The following TASOR2 variants were observed in gnomAD, a reference collection of about 807,000 sequenced individuals.
TASOR2 encodes protein TASOR 2.
TASOR2 carries 84 observed loss-of-function variants against 199.5 expected under a neutral mutation model. The ratio of observed to expected loss-of-function variants is 0.42; its 90% CI spans 0.35 to 0.50. The LOEUF is 0.50. Among genes scored for constraint, TASOR2 ranks in the 20% least tolerant of loss-of-function variants. The pLI is 0.02. For missense variants in TASOR2, 2,796 were observed against 2,835.9 expected, an observed-to-expected ratio of 0.99 and a Z score of 0.32; for synonymous variants, 1,103 against 1,046.6, an observed-to-expected ratio of 1.05 and a Z score of -1.04.
rs1835969624 is a variant in TASOR2, at chr10:5,738,782, T to G, written c.1448-836T>G. On this transcript the variant is annotated intron_variant, in intron 12 of 20. Transcript: ENST00000328090. The surrounding 1 kb of genome is among the most constrained non-coding windows in gnomAD (Gnocchi z 4.7). ...GCAGGGAATCATTGCCTAGCAGAGT[T>G]GTGAAGTTTATCCTTCATAATAACA... is the stretch of plus-strand genomic sequence containing the variant. Among the ~76,000 whole-genome samples the G allele has an allele frequency of 6.6e-6, 1 of 152,202 alleles. No homozygotes were observed. The highest frequency in any genetic ancestry group is 6.5e-5 in the Admixed American group (1 of 15,280).
At chr10:5,728,338 T>A (rs940610037) in intron 10 of TASOR2, among the ~76,000 whole-genome samples, 13 of 152,190 alleles carry the variant, frequency 8.5e-5, no homozygotes, top group Non-Finnish European at 1.3e-4. Flanking sequence ...TAAAGTTTTT[T>A]TAAAAAATTC....
Position 5,748,100 on chromosome 10 carries a change from G to A in TASOR2, c.4679G>A (p.Arg1560Lys). Reference sequence around the variant, plus strand: ...TTGCAGCCAGTTAGTATAGAGAATAGAAATTTGGACTTAAAACATCTTGTC... The same window carrying A: ...TTGCAGCCAGTTAGTATAGAGAATAAAAATTTGGACTTAAAACATCTTGTC... Residue 1560 changes from arginine to lysine, a missense_variant, in exon 15 of 21, where the codon AGA becomes AAA. By Grantham distance (26) the Arg-to-Lys change is conservative. Around this residue, in one of 3 missense-constraint regions of TASOR2, gnomAD observed 1,941 missense variants for 1,924.9 expected, o/e 1.01. Transcript: ENST00000328090. This position sits in a 1 kb window ranked among gnomAD's most constrained non-coding sequence, Gnocchi z 5.1. 1 of 1,614,206 alleles carries A rather than the reference G, an allele frequency of 6.2e-7. No individual in the cohort carries two copies. The highest frequency in any genetic ancestry group is 8.5e-7 in the Non-Finnish European group (1 of 1,180,034).
chr10:5,749,333 C>T, exon 15 of TASOR2: 4 of 1,614,208 alleles, frequency 2.5e-6, no homozygotes, highest in East Asian at 2.2e-5. Flanking sequence ...GACGACCTCA[C>T]CCAGAACACT....
rs57228390 is a variant in TASOR2 at position 5,762,511 on chromosome 10, G to GTTT, written c.7175-8_7175-6dup. On this transcript the variant is annotated intron_variant, in intron 19 of 20. Transcript: ENST00000328090. ...ACATTAATTATATTAACCAAAAGTT[G>GTTT]TTTTTTTTTTTTTTTAACAGACAAG... The GTTT allele has an allele frequency of 8.4e-4, 496 of 587,858 alleles. 3 individuals are homozygous for GTTT. The highest frequency in any genetic ancestry group is 4.2e-3 in the African/African-American group (195 of 46,288). 36.4% of individuals were successfully genotyped at this position (587,858 alleles called of 1,614,324 possible).
In TASOR2 at chr10:5,748,297, G is replaced by C. The variant is rs1193892858; in HGVS notation, c.4876G>C (p.Asp1626His). ...TCTCTTTCCCGGTGATTTGAAAACA[G>C]ATGAAGGCATTTATCTGCAGGTGAA... The change falls in exon 15 of 21, where the codon GAT becomes CAT. Residue 1626 changes from aspartate to histidine, a missense_variant. This residue lies in a region of TASOR2 where 1,941 missense variants were observed against 1,924.9 expected (regional missense o/e 1.01). Coordinates refer to ENST00000328090, the Ensembl canonical transcript of TASOR2. This position sits in a 1 kb window ranked among gnomAD's most constrained non-coding sequence, Gnocchi z 5.1. 6.2e-7 allele frequency: 1 copy of C among 1,614,232 alleles called. No homozygotes were observed. Among genetic ancestry groups the C allele is most frequent in the South Asian group, 1.1e-5 (1 of 91,086 alleles).
In TASOR2 at chr10:5,706,352, A is replaced by G. The variant is rs932703874; in HGVS notation, c.-287-6471A>G. ...ATATAAATTTTAGAATCAGATCATC[A>G]GTTTCTGCAAACTGAGATTGTGTTG... On this transcript the variant is annotated intron_variant, in intron 1 of 20. Coordinates refer to ENST00000328090, the Ensembl canonical transcript of TASOR2. This position sits in a 1 kb window ranked among gnomAD's most constrained non-coding sequence, Gnocchi z 4.8. 6.6e-6 allele frequency among the ~76,000 whole-genome samples: 1 copy of G among 152,172 alleles called. No individual in the cohort carries two copies. The highest frequency in any genetic ancestry group is 1.5e-5 in the Non-Finnish European group (1 of 68,032).
At chr10:5,709,378 A>T (rs1446733113) in intron 1 of TASOR2, among the ~76,000 whole-genome samples, 1 of 152,216 alleles carries the variant, frequency 6.6e-6, no homozygotes, top group African/African-American at 2.4e-5. Context: ...AGAACAAATT[A>T]AGTCCTTAGC....
exon 15 of TASOR2, chr10:5,749,009 C>G: frequency 6.2e-7 from 1 of 1,614,136 alleles, no homozygotes; most frequent in Non-Finnish European, 8.5e-7. Flanking sequence ...GATGTTCCCA[C>G]AGATGGCTAT....
At chr10:5,711,392 A>G (rs1779791453) in intron 1 of TASOR2, among the ~76,000 whole-genome samples, 1 of 152,102 alleles carries the variant, frequency 6.6e-6, no homozygotes, top group Non-Finnish European at 1.5e-5. Context: ...AGGAAGCCAT[A>G]TTACTGTACT....
exon 21 of TASOR2, chr10:5,763,096 AACTTGTGAACATGTGAATAC>A (rs1840139599): frequency 6.6e-7 from 1 of 1,521,404 alleles, no homozygotes; most frequent in Admixed American, 1.7e-5. Flanking sequence ...CCCTTTGGAA[AACTTGTGAACATGTGAATAC>A]ACATGTGAAC....
rs181360955 is a variant in TASOR2, at chr10:5,706,003, T to C, written c.-287-6820T>C. ...TTTTATAATTTTAGCCAAATAGTTATAGTTTTTATGTTTAGGTCTGTGATT... is the reference window on the plus strand; with the variant it reads ...TTTTATAATTTTAGCCAAATAGTTACAGTTTTTATGTTTAGGTCTGTGATT... On this transcript the variant is annotated intron_variant, in intron 1 of 20. Transcript: ENST00000328090. This position sits in a 1 kb window ranked among gnomAD's most constrained non-coding sequence, Gnocchi z 4.8. Among the ~76,000 whole-genome samples the C allele has an allele frequency of 0.016, 2,449 of 151,566 alleles. 35 individuals are homozygous for C. The highest frequency in any genetic ancestry group is 0.027 in the Non-Finnish European group (1,818 of 67,994).
At chr10:5,703,938 C>T (rs991943303) in intron 1 of TASOR2, among the ~76,000 whole-genome samples, 2 of 151,748 alleles carry the variant, frequency 1.3e-5, no homozygotes, top group Non-Finnish European at 2.9e-5. Flanking sequence ...AGTTTTCATT[C>T]TTGGCCAGGC....
At chr10:5,755,257 AAT>A (rs1838761117) in intron 15 of TASOR2, among the ~76,000 whole-genome samples, 1 of 151,970 alleles carries the variant, frequency 6.6e-6, no homozygotes, top group African/African-American at 2.4e-5. Flanking sequence ...AATGAATTGA[AAT>A]AGTCAGAATT....
intron 1 of TASOR2, among the ~76,000 whole-genome samples, chr10:5,704,091 G>T (rs556640671): frequency 3.9e-5 from 6 of 152,022 alleles, no homozygotes; most frequent in South Asian, 2.1e-4. Context: ...GGGCCTGGTA[G>T]TGGGCGCCTG....
In TASOR2 at chr10:5,685,220, G is replaced by T; in HGVS notation, c.-288+45G>T. 2.5e-6 allele frequency: 1 copy of T among 397,666 alleles called. No individual in the cohort carries two copies. Among genetic ancestry groups the T allele is most frequent in the South Asian group, 1.3e-4 (1 of 7,840 alleles). 24.6% of individuals were successfully genotyped at this position (397,666 alleles called of 1,614,324 possible). Reference sequence around the variant, plus strand: ...GGGCGCCCGGGAACCCTGCGAGGAGGACGGCGGGTCCCCGAGGCCGAGCGC... The same window carrying T: ...GGGCGCCCGGGAACCCTGCGAGGAGTACGGCGGGTCCCCGAGGCCGAGCGC... On this transcript the variant is annotated intron_variant, in intron 1 of 20. Coordinates refer to ENST00000328090, the Ensembl canonical transcript of TASOR2. The surrounding 1 kb of genome is among the most constrained non-coding windows in gnomAD (Gnocchi z 5.4).
At chr10:5,711,300 T>C (rs913448149) in intron 1 of TASOR2, among the ~76,000 whole-genome samples, 17 of 152,172 alleles carry the variant, frequency 1.1e-4, no homozygotes, top group Non-Finnish European at 1.0e-4. Flanking sequence ...GTATATTGGT[T>C]ACTTACAAGT....
At chr10:5,702,354 C>T (rs1183586289) in intron 1 of TASOR2, among the ~76,000 whole-genome samples, 2 of 152,058 alleles carry the variant, frequency 1.3e-5, no homozygotes, top group Non-Finnish European at 2.9e-5. Flanking sequence ...ATTTGATTTA[C>T]TAGTATATTG....
rs1837470908 is a variant in TASOR2 at position 5,698,935 on chromosome 10, G to A, written c.-288+13760G>A. 6.6e-6 allele frequency among the ~76,000 whole-genome samples: 1 copy of A among 152,142 alleles called. No homozygotes were observed. The highest frequency in any genetic ancestry group is 1.9e-4 in the East Asian group (1 of 5,196). ...AAATCAGCCTGGCAGTTTCTCAGAT[G>A]AGCAGACACAGATTTACTGGAAGAG... is the stretch of plus-strand genomic sequence containing the variant. On this transcript the variant is annotated intron_variant, in intron 1 of 20. Transcript: ENST00000328090. The surrounding 1 kb of genome is among the most constrained non-coding windows in gnomAD (Gnocchi z 4.4).
In TASOR2 at chr10:5,750,421, TTGAA is replaced by T. The variant is rs747549423; in HGVS notation, c.6606+397_6606+400del. Reference sequence around the variant, plus strand: ...TTTTGGATATATTTTTAATTTGAATTTGAATGTTAGGATAACTGATGTTACGGTG... The same window carrying T: ...TTTTGGATATATTTTTAATTTGAATTTGTTAGGATAACTGATGTTACGGTG... On this transcript the variant is annotated intron_variant, in intron 15 of 20. Coordinates refer to ENST00000328090, the Ensembl canonical transcript of TASOR2. This position sits in a 1 kb window ranked among gnomAD's most constrained non-coding sequence, Gnocchi z 5.4. Among the ~76,000 whole-genome samples, 10 of 152,210 alleles carry T rather than the reference TTGAA, an allele frequency of 6.6e-5. No individual in the cohort carries two copies. Among genetic ancestry groups the T allele is most frequent in the Non-Finnish European group, 1.2e-4 (8 of 68,038 alleles).
Sources: gnomAD v4.1 joint callset for allele counts (sites outside exome capture counted in the v4.1 genomes callset) on GRCh38, gnomAD v4.1.1 for gene constraint, gnomAD v4.1.1 regional missense constraint, Gnocchi (gnomAD v3.1) non-coding constraint, MANE v1.5 for transcripts, NCBI Gene and HGNC (gene_info 2026-07-23, HGNC 2026-07-21) for gene names.